SEC14L3: variants seen among roughly 807,000 people sequenced by gnomAD.
The protein encoded by SEC14L3 is SEC14 like lipid binding 3, also known as SEC14-like protein 3.
In SEC14L3, 56 loss-of-function variants were observed where a neutral mutation model predicts 57.4. The ratio of observed to expected loss-of-function variants is 0.97; its 90% confidence interval spans 0.79 to 1.22. SEC14L3 has a LOEUF of 1.22. Ranked by LOEUF, SEC14L3 falls within the 50% of genes most tolerant of loss-of-function variation. The probability of loss-of-function intolerance (pLI) is 0.00; values close to 1 mark genes in which losing one functional copy is unlikely to be tolerated. For missense variants in SEC14L3, 485 were observed against 511.7 expected, an observed-to-expected ratio of 0.95 and a Z score of 0.50; for synonymous variants, 173 against 194.4, an observed-to-expected ratio of 0.89 and a Z score of 0.92.
intron 8 of SEC14L3, among the ~76,000 whole-genome samples, chr22:30,462,642 C>G (rs1040883206): frequency 6.6e-6 from 1 of 152,034 alleles, no homozygotes; most frequent in Non-Finnish European, 1.5e-5. Flanking sequence ...AGGCTAGTCT[C>G]AAACTCCTGG....
chr22:30,463,885 G>T (rs998159289), intron 8 of SEC14L3, among the ~76,000 whole-genome samples: 1 of 152,024 alleles, frequency 6.6e-6, no homozygotes, highest in African/African-American at 2.4e-5. Context: ...AAAACCACAC[G>T]ATCTCTCACT....
chr22:30,454,811 T>A (rs1160997857), downstream of SEC14L3, among the ~76,000 whole-genome samples: 2 of 45,890 alleles, frequency 4.4e-5, no homozygotes, highest in African/African-American at 1.4e-4. Flanking sequence ...TATTATATAT[T>A]TTATATATTA....
Position 30,471,966 on chromosome 22 carries a change from G to T in SEC14L3, c.-8C>A. 1.2e-6 allele frequency: 2 copies of T among 1,602,318 alleles called. No homozygotes were observed. Among genetic ancestry groups the T allele is most frequent in the Non-Finnish European group, 1.7e-6 (2 of 1,174,342 alleles). ...TCCAACTCGGCCGCTCATGGTGCTG[G>T]CTGGGGCTTGAGGAGTGGTGGCCAC... On this transcript the variant is annotated 5_prime_UTR_variant, in exon 1 of 12. Coordinates refer to ENST00000215812, the MANE Select transcript of SEC14L3 (RefSeq NM_174975.5).
At position 30,468,675 on chromosome 22, in the gene SEC14L3, C is replaced by T; in HGVS notation, c.256G>A (p.Gly86Arg). 1.2e-6 allele frequency: 2 copies of T among 1,613,674 alleles called. No homozygotes were observed. Among genetic ancestry groups the T allele is most frequent in the Non-Finnish European group, 1.7e-6 (2 of 1,179,662 alleles). Residue 86 changes from glycine to arginine, a missense_variant, in exon 5 of 12, where the codon GGG (glycine) becomes AGG (arginine). Gly to Arg is a moderately radical substitution (Grantham distance 125, BLOSUM62 -2). Coordinates refer to ENST00000215812, the MANE Select transcript of SEC14L3 (RefSeq NM_174975.5). ...TCACGGTCATAGCCACACAGGCCCC[C>T]AGGCATGTACTTCTGGATCACCTGG... ...PPEVIQKYMP[G>R]GLCGYDRDGC...
At chr22:30,463,024 C>T (rs1224757853) in intron 8 of SEC14L3, among the ~76,000 whole-genome samples, 1 of 152,198 alleles carries the variant, frequency 6.6e-6, no homozygotes, top group Non-Finnish European at 1.5e-5. Context: ...CATGAGCCAC[C>T]ACGCCCAGCC....
At chr22:30,458,123 A>T (rs1203972779), downstream of SEC14L3, among the ~76,000 whole-genome samples, 1 of 152,122 alleles carries the variant, frequency 6.6e-6, no homozygotes, top group African/African-American at 2.4e-5. Context: ...TTTGGTTCCC[A>T]TTCATCCCCA....
In SEC14L3 at chr22:30,466,374, C is replaced by T. The variant is rs540971001; in HGVS notation, c.540G>A (p.Glu180=). 87 of 1,614,138 alleles carry T rather than the reference C, an allele frequency of 5.4e-5. 2 individuals carry two copies. The South Asian group carries it at 9.1e-4, about 17-fold the overall frequency. ...TGAACTTCAGGGTCTCTGGGTAATT[C>T]TCTTCAAGGAGGCCAAAGAACTGTG... is the stretch of plus-strand genomic sequence containing the variant. ...VYQEFFGLLE[E]NYPETLKFML... Residue 180 remains glutamate, a synonymous_variant, in exon 7 of 12, where the codon GAG becomes GAA. Transcript: ENST00000215812.
chr22:30,449,568 CTTTTT>C (rs1160178263), intron 12 of SEC14L3, among the ~76,000 whole-genome samples: 6 of 37,838 alleles, frequency 1.6e-4, no homozygotes, highest in Non-Finnish European at 1.4e-4. Flanking sequence ...CTTTTCTTTT[CTTTTT>C]TTTTTTTTTG....
chr22:30,459,031 T>G (rs1935170322), downstream of SEC14L3, among the ~76,000 whole-genome samples: 1 of 151,716 alleles, frequency 6.6e-6, no homozygotes, highest in African/African-American at 2.4e-5. Flanking sequence ...AACAAACAAA[T>G]AAACAAACAA....
At chr22:30,466,951 A>C in intron 6 of SEC14L3, 31 bp downstream of exon 6, 1 of 1,595,314 alleles carries the variant, frequency 6.3e-7, no homozygotes, top group Non-Finnish European at 8.6e-7. Flanking sequence ...CATCAAAGCA[A>C]GCGGGGGGTG....
rs1477746804 is a variant in SEC14L3 at position 30,468,663 on chromosome 22, C to T, written c.268G>A (p.Gly90Ser). The T allele has an allele frequency of 4.3e-6, 7 of 1,613,922 alleles. No homozygotes were observed. Among genetic ancestry groups the T allele is most frequent in the Non-Finnish European group, 5.1e-6 (6 of 1,179,870 alleles). ...IQKYMPGGLC[G>S]YDRDGCPVWY... The stretch of plus-strand genomic sequence containing the variant: ...ACGGGGCAGCCATCACGGTCATAGC[C>T]ACACAGGCCCCCAGGCATGTACTTC... The change falls in exon 5 of 12, where the codon GGC becomes AGC. Residue 90 changes from glycine to serine, a missense_variant. Physicochemically the swap from Gly to Ser is moderately conservative, Grantham distance 56 (BLOSUM62 0). Coordinates refer to ENST00000215812, the MANE Select transcript of SEC14L3 (RefSeq NM_174975.5).
At chr22:30,455,488 G>C (rs5753156), downstream of SEC14L3, among the ~76,000 whole-genome samples, 105,820 of 151,586 alleles carry the variant, frequency 0.7, 37,989 homozygotes, top group African/African-American at 0.86. Context: ...AAGTGGTCCA[G>C]CTGCCTCAGC....
rs1240933063 is a variant in SEC14L3 at position 30,459,397 on chromosome 22, C to T, written c.*624G>A. The T allele has an allele frequency of 5.1e-6, 5 of 985,302 alleles. No individual in the cohort carries two copies. The highest frequency in any genetic ancestry group is 6.0e-6 in the Non-Finnish European group (5 of 829,966). The allele number at this position is 985,302 out of a possible 1,614,324, so 61.0% of individuals were successfully genotyped here. A position where few individuals can be genotyped will look rare whatever the true frequency, so the allele number is the denominator to read the frequency against. ...GGCAGCTCCTATCAGAGGCATGTGG[C>T]CTTTGTGGCTGGGGCCCTCAAAAGA... On this transcript the variant is annotated 3_prime_UTR_variant, in exon 12 of 12. Coordinates refer to ENST00000215812, the MANE Select transcript of SEC14L3 (RefSeq NM_174975.5).
At position 30,468,562 on chromosome 22, in the gene SEC14L3, G is replaced by C. The variant is rs1179413741; in HGVS notation, c.369C>G (p.Thr123=). 1.2e-6 allele frequency: 2 copies of C among 1,613,838 alleles called. No individual in the cohort carries two copies. Among genetic ancestry groups the C allele is most frequent in the Non-Finnish European group, 1.7e-6 (2 of 1,179,992 alleles). ...GGATGCGCTCACAGTCCCTCATCTT[G>C]GTCTTGAGCAGGTCCTGCTTGGTGA... The part of the protein sequence containing the change: ...FSVTKQDLLK[T]KMRDCERILH... The change falls in exon 5 of 12, where the codon ACC becomes ACG. Residue 123 remains threonine (T), a synonymous_variant. Coordinates refer to ENST00000215812, the MANE Select transcript of SEC14L3 (RefSeq NM_174975.5).
intron 3 of SEC14L3, 58 bp from the exon 4 acceptor site, chr22:30,470,136 A>G: frequency 6.2e-7 from 1 of 1,612,598 alleles, no homozygotes; most frequent in East Asian, 2.2e-5. Context: ...GAGAACAGGG[A>G]TGGAAGGAGG....
chr22:30,454,313 G>T (rs1222361012), downstream of SEC14L3, among the ~76,000 whole-genome samples: 1 of 151,850 alleles, frequency 6.6e-6, no homozygotes, highest in African/African-American at 2.4e-5. Context: ...TTGGTGCCCT[G>T]CCAGCTGGGA....
intron 12 of SEC14L3, among the ~76,000 whole-genome samples, chr22:30,450,649 C>T (rs573932094): frequency 4.6e-5 from 7 of 152,210 alleles, no homozygotes; most frequent in African/African-American, 1.7e-4. Context: ...AAGACCTCTC[C>T]GTTTCAAGTT....
downstream of SEC14L3, among the ~76,000 whole-genome samples, chr22:30,455,627 T>G (rs1935107408): frequency 6.6e-6 from 1 of 152,170 alleles, no homozygotes. Context: ...GCATTTGTGG[T>G]CTCTGAAGGG....
At position 30,451,986 on chromosome 22, in the gene SEC14L3, C is replaced by T. The variant is rs1461045804; in HGVS notation, c.905-2742G>A. 1.1e-4 allele frequency among the ~76,000 whole-genome samples: 6 copies of T among 55,774 alleles called. No individual in the cohort carries two copies. The Admixed American group carries it at 1.6e-3, about 15-fold the overall frequency. The allele number at this position is 55,774 out of a possible 152,430, so 36.6% of individuals were successfully genotyped here. A position where few individuals can be genotyped will look rare whatever the true frequency, so the allele number is the denominator to read the frequency against. On this transcript the variant is annotated intron_variant, in intron 12 of 12. Coordinates refer to the SEC14L3 transcript ENST00000403066. ...CAGCATGGGCAAGAGAGTAAGACTC[C>T]ATCTCAAAAAAAAAAAAAAAAAAGA...
Sources: gnomAD v4.1 joint callset for allele counts (sites outside exome capture counted in the v4.1 genomes callset) on GRCh38, gnomAD v4.1.1 for gene constraint, MANE v1.5 for transcripts, NCBI Gene and HGNC (gene_info 2026-07-23, HGNC 2026-07-21) for gene names.